The following JAKMIP2 variants were observed in gnomAD, a reference collection of about 807,000 sequenced individuals.
JAKMIP2 encodes janus kinase and microtubule interacting protein 2.
A neutral mutation model predicts 115.0 loss-of-function variants in JAKMIP2; 25 were observed. The observed-to-expected ratio is 0.22, with a 90% CI of 0.16 to 0.30. JAKMIP2 has a LOEUF of 0.30. Ranked by LOEUF, JAKMIP2 falls within the 10% of genes least tolerant of loss-of-function variation. The probability of loss-of-function intolerance (pLI) is 1.00; values close to 1 mark genes in which losing one functional copy is unlikely to be tolerated. For synonymous variants in JAKMIP2, 334 were observed against 343.6 expected, an observed-to-expected ratio of 0.97 and a Z score of 0.31; for missense variants, 642 against 957.6, an observed-to-expected ratio of 0.67 and a Z score of 4.35.
At chr5:147,746,755 A>T (rs1488921966) in intron 1 of JAKMIP2, among the ~76,000 whole-genome samples, 1 of 152,140 alleles carries the variant, frequency 6.6e-6, no homozygotes, top group Non-Finnish European at 1.5e-5. Flanking sequence ...ATTACTCAGA[A>T]ATTCTCATAT....
rs142991850 is a variant in JAKMIP2 at position 147,691,026 on chromosome 5, G to A, written c.-148-19072C>T. Among the ~76,000 whole-genome samples, 1,025 of 152,122 alleles carry A rather than the reference G, an allele frequency of 6.7e-3. 4 individuals are homozygous for A. Among genetic ancestry groups the A allele is most frequent in the Non-Finnish European group, 9.3e-3 (630 of 67,996 alleles). On this transcript the variant is annotated intron_variant, in intron 1 of 21. Transcript: ENST00000616793. ...ATGGGTTATCTCACCCACTCATTCA[G>A]CCTTCTCAAGATTGGTTAATGTGAC...
intron 5 of JAKMIP2, 37 bp from the exon 6 acceptor site, chr5:147,645,033 T>C: frequency 1.2e-6 from 2 of 1,603,946 alleles, no homozygotes; most frequent in Non-Finnish European, 1.7e-6. Context: ...GTCTTGCGTT[T>C]GGGGGACGTG....
At chr5:147,658,507 G>A (rs1758790412) in intron 3 of JAKMIP2, among the ~76,000 whole-genome samples, 1 of 152,200 alleles carries the variant, frequency 6.6e-6, no homozygotes, top group African/African-American at 2.4e-5. Context: ...CCCACTTGAG[G>A]AGGCAGTCTG....
intron 5 of JAKMIP2, among the ~76,000 whole-genome samples, chr5:147,647,886 A>G (rs901074995): frequency 3.4e-4 from 52 of 152,214 alleles, no homozygotes; most frequent in African/African-American, 1.3e-3. Context: ...CAGAAGTTTT[A>G]AGAAACAACA....
At chr5:147,741,100 C>T (rs980259894) in intron 1 of JAKMIP2, among the ~76,000 whole-genome samples, 3 of 152,240 alleles carry the variant, frequency 2.0e-5, no homozygotes, top group Middle Eastern at 3.4e-3. Flanking sequence ...ACATATCCTG[C>T]TGCAAAACCC....
chr5:147,727,482 C>G (rs1006576729), intron 1 of JAKMIP2, among the ~76,000 whole-genome samples: 3 of 152,146 alleles, frequency 2.0e-5, no homozygotes, highest in Non-Finnish European at 2.9e-5. Context: ...AAGCAAGGAA[C>G]CTTCTTCACA....
intron 1 of JAKMIP2, among the ~76,000 whole-genome samples, chr5:147,734,950 A>G (rs552856816): frequency 3.3e-5 from 5 of 152,278 alleles, no homozygotes; most frequent in Admixed American, 6.5e-5. Flanking sequence ...GTAGACACCT[A>G]TTTAAGAGTG....
intron 1 of JAKMIP2, among the ~76,000 whole-genome samples, chr5:147,754,844 A>T (rs893474411): frequency 8.5e-5 from 13 of 152,200 alleles, no homozygotes; most frequent in African/African-American, 2.7e-4. Flanking sequence ...TAAACAGTAA[A>T]TGCTATCACA....
chr5:147,671,766 G>C lies in JAKMIP2; in HGVS notation c.41C>G (p.Ala14Gly). 1 of 1,592,398 alleles carries C rather than the reference G, an allele frequency of 6.3e-7. No individual in the cohort carries two copies. The change falls in exon 2 of 22, where the codon GCA becomes GGA. Residue 14 changes from alanine to glycine, a missense_variant. Ala to Gly is a moderately conservative substitution (Grantham distance 60). Coordinates refer to ENST00000616793, the MANE Select transcript of JAKMIP2 (RefSeq NM_001270941.2). ...KGRNKGEKPE[A>G]LIVALQAANE... ...GGCAGCTTGAAGGGCAACAATGAGT[G>C]CCTCGGGCTTCTCGCCCTTATTTCG...
chr5:147,702,572 GA>G lies in JAKMIP2; in HGVS notation c.-148-30619del, dbSNP rs1203832507. Reference sequence around the variant, plus strand: ...AAGAAAGAAGAAAGAAAGAAAGAAAGAAAGAAGGAAAGAAAGAAAGAAAGAA... The same window carrying G: ...AAGAAAGAAGAAAGAAAGAAAGAAAGAAGAAGGAAAGAAAGAAAGAAAGAA... On this transcript the variant is annotated intron_variant, in intron 1 of 21. Transcript: ENST00000616793. 1.8e-3 allele frequency among the ~76,000 whole-genome samples: 182 copies of G among 102,750 alleles called. 6 individuals are homozygous for G. The South Asian group carries it at 0.04, about 23-fold the overall frequency. 67.4% of individuals were successfully genotyped at this position (102,750 alleles called of 152,430 possible).
intron 19 of JAKMIP2, among the ~76,000 whole-genome samples, chr5:147,617,514 CT>C (rs899227258): frequency 3.3e-5 from 5 of 152,122 alleles, no homozygotes; most frequent in Admixed American, 2.6e-4. Context: ...TCCTTGCTCT[CT>C]TTTACACTAT....
intron 21 of JAKMIP2, among the ~76,000 whole-genome samples, chr5:147,592,017 T>C (rs569860808): frequency 1.6e-4 from 25 of 152,340 alleles, no homozygotes; most frequent in African/African-American, 6.0e-4. Context: ...TGAATAATCA[T>C]GCCCCAACAT....
At chr5:147,609,792 C>T (rs868458617) in intron 20 of JAKMIP2, among the ~76,000 whole-genome samples, 27 of 152,184 alleles carry the variant, frequency 1.8e-4, no homozygotes, top group Non-Finnish European at 1.3e-4. Context: ...GTTCCATTCT[C>T]TCCATCACTT....
At chr5:147,639,463 A>C (rs1213805705) in intron 10 of JAKMIP2, among the ~76,000 whole-genome samples, 169 bp downstream of exon 10, 1 of 152,224 alleles carries the variant, frequency 6.6e-6, no homozygotes, top group African/African-American at 2.4e-5. Context: ...GCTGGTTCTA[A>C]TGTTTCTAGA....
chr5:147,699,270 G>T lies in JAKMIP2; in HGVS notation c.-148-27316C>A, dbSNP rs1752232925. Reference sequence around the variant, plus strand: ...TTGAGTATGTGTTGACATGAGCACAGTTGTGTTCAAGTAAGTCAAGATGGG... The same window carrying T: ...TTGAGTATGTGTTGACATGAGCACATTTGTGTTCAAGTAAGTCAAGATGGG... On this transcript the variant is annotated intron_variant, in intron 1 of 21. Coordinates refer to ENST00000616793, the MANE Select transcript of JAKMIP2 (RefSeq NM_001270941.2). Among the ~76,000 whole-genome samples, 3 of 152,202 alleles carry T rather than the reference G, an allele frequency of 2.0e-5. No individual in the cohort carries two copies. In the South Asian group the frequency reaches 6.2e-4, roughly 31 times the overall value.
At chr5:147,688,476 C>T (rs1211991700) in intron 1 of JAKMIP2, among the ~76,000 whole-genome samples, 5 of 151,654 alleles carry the variant, frequency 3.3e-5, no homozygotes, top group African/African-American at 9.7e-5. Context: ...GGTTGAAAAA[C>T]TTCTTATGAT....
chr5:147,618,072 G>A lies in JAKMIP2; in HGVS notation c.2185C>T (p.Gln729Ter). 2 of 1,614,036 alleles carry A rather than the reference G, an allele frequency of 1.2e-6. No individual in the cohort carries two copies. Among genetic ancestry groups the A allele is most frequent in the Non-Finnish European group, 1.7e-6 (2 of 1,179,904 alleles). Residue 729 changes from glutamine to a stop codon, truncating the protein, a stop_gained, in exon 19 of 22, where the codon CAA becomes TAA. Coordinates refer to ENST00000616793, the MANE Select transcript of JAKMIP2 (RefSeq NM_001270941.2). LOFTEE classifies it high-confidence loss of function. ...LEATLYNALQ[Q>*]ETVIKFGELL... ...TCACCAAACTTGATAACAGTTTCTTGCTGTAGAGCATTGTACAAAGTAGCT... is the reference window on the plus strand; with the variant it reads ...TCACCAAACTTGATAACAGTTTCTTACTGTAGAGCATTGTACAAAGTAGCT...
At chr5:147,686,524 G>C (rs1760580614) in intron 1 of JAKMIP2, among the ~76,000 whole-genome samples, 1 of 152,142 alleles carries the variant, frequency 6.6e-6, no homozygotes, top group Non-Finnish European at 1.5e-5. Flanking sequence ...CCCTGGGCCT[G>C]TTCACCACTG....
chr5:147,597,708 C>CT (rs1273856234), intron 21 of JAKMIP2, among the ~76,000 whole-genome samples: 1 of 152,130 alleles, frequency 6.6e-6, no homozygotes, highest in Admixed American at 6.5e-5. Context: ...TTTTTCTTTC[C>CT]TTTGTCTCCC....
Sources: allele counts gnomAD v4.1 joint callset (sites outside exome capture counted in the v4.1 genomes callset), GRCh38; gene constraint gnomAD v4.1.1; transcripts MANE v1.5; gene names NCBI Gene and HGNC (gene_info 2026-07-23, HGNC 2026-07-21).